The following SPPL2A variants were observed in gnomAD, a reference collection of about 807,000 sequenced individuals.
SPPL2A encodes the protein signal peptide peptidase-like 2A.
SPPL2A carries 51 observed loss-of-function variants against 63.8 expected under a neutral mutation model. The ratio of observed to expected loss-of-function variants is 0.80; its 90% CI spans 0.64 to 1.01. The LOEUF (loss-of-function observed/expected upper bound fraction) is 1.01, where lower values mean the gene tolerates loss of function less well. SPPL2A is among the 50% of genes least tolerant of loss of function. SPPL2A has a pLI of 0.00. For missense variants in SPPL2A, 553 were observed against 622.7 expected, an observed-to-expected ratio of 0.89 and a Z score of 1.19; for synonymous variants, 188 against 205.8, an observed-to-expected ratio of 0.91 and a Z score of 0.74.
chr15:50,739,917 T>C, intron 5 of SPPL2A, 89 bp from the exon 6 acceptor site: 1 of 700,150 alleles, frequency 1.4e-6, no homozygotes, highest in Non-Finnish European at 2.2e-6. Context: ...AATCTGTTTC[T>C]GAAGAAAACA....
chr15:50,728,587 C>G (rs1474623304), intron 10 of SPPL2A, among the ~76,000 whole-genome samples: 2 of 151,498 alleles, frequency 1.3e-5, no homozygotes, highest in Non-Finnish European at 2.9e-5. Context: ...ACCTCGTGAT[C>G]CGCCCACCTT....
intron 10 of SPPL2A, among the ~76,000 whole-genome samples, chr15:50,727,404 A>C (rs1207185050): frequency 4.6e-5 from 7 of 152,206 alleles, no homozygotes; most frequent in Non-Finnish European, 1.0e-4. Context: ...AAGTCAAAGG[A>C]GTTTAGGAAA....
intron 10 of SPPL2A, among the ~76,000 whole-genome samples, chr15:50,729,911 G>A (rs1396606375): frequency 3.3e-5 from 5 of 151,788 alleles, no homozygotes; most frequent in Non-Finnish European, 7.4e-5. Flanking sequence ...CAACGTGGGA[G>A]GACTCCTGGG....
intron 1 of SPPL2A, among the ~76,000 whole-genome samples, chr15:50,759,755 A>AG (rs1388414665): frequency 6.6e-6 from 1 of 151,930 alleles, no homozygotes; most frequent in Non-Finnish European, 1.5e-5. Flanking sequence ...AAAAAAAAAA[A>AG]GAAAGAAAAG....
chr15:50,752,313 G>C (rs1367346090), intron 1 of SPPL2A, among the ~76,000 whole-genome samples: 1 of 151,850 alleles, frequency 6.6e-6, no homozygotes, highest in African/African-American at 2.4e-5. Flanking sequence ...CTTTATGCAA[G>C]ACTCATGCCT....
At chr15:50,724,786 G>A (rs1050513389) in intron 12 of SPPL2A, among the ~76,000 whole-genome samples, 8 of 152,078 alleles carry the variant, frequency 5.3e-5, no homozygotes, top group East Asian at 1.9e-4. Flanking sequence ...TTTGTATTAC[G>A]CAGTCCTACA....
rs191709089 is a variant in SPPL2A, at chr15:50,736,466, G to A, written c.830+178C>T. ...GTGGCTATTGAGCACTTGAAATGTG[G>A]CTAATAAGAATGAAAAACTCAATTT... is the stretch of plus-strand genomic sequence containing the variant. On this transcript the variant is annotated intron_variant, in intron 7 of 14. Transcript: ENST00000261854. Among the ~76,000 whole-genome samples, 3 of 152,196 alleles carry A rather than the reference G, an allele frequency of 2.0e-5. No homozygotes were observed. In the East Asian group the frequency reaches 5.8e-4, roughly 29 times the overall value.
chr15:50,734,446 G>A (rs916703263), intron 8 of SPPL2A, among the ~76,000 whole-genome samples: 9 of 152,086 alleles, frequency 5.9e-5, no homozygotes, highest in African/African-American at 2.2e-4. Flanking sequence ...CACTCATCGT[G>A]GGAGCTAAAA....
At chr15:50,746,210 C>A (rs753764194) in intron 5 of SPPL2A, among the ~76,000 whole-genome samples, 1 of 151,600 alleles carries the variant, frequency 6.6e-6, no homozygotes, top group South Asian at 2.1e-4. Context: ...GAGGCCAAGG[C>A]GGGCAGATCA....
Position 50,765,655 on chromosome 15 carries a change from C to T in SPPL2A, c.-122G>A. Reference sequence around the variant, plus strand: ...ACCGGACCGGACAGGCGCGGGCGGCCGGGCTACGACTGGACCGCCGCTGCT... The same window carrying T: ...ACCGGACCGGACAGGCGCGGGCGGCTGGGCTACGACTGGACCGCCGCTGCT... On this transcript the variant is annotated 5_prime_UTR_variant, in exon 1 of 15. Transcript: ENST00000261854. 3 of 569,580 alleles carry T rather than the reference C, an allele frequency of 5.3e-6. No homozygotes were observed. Among genetic ancestry groups the T allele is most frequent in the Non-Finnish European group, 8.0e-6 (3 of 374,736 alleles). 35.3% of individuals were successfully genotyped at this position (569,580 alleles called of 1,614,324 possible). A position where few individuals can be genotyped will look rare whatever the true frequency, so the allele number is the denominator to read the frequency against.
intron 14 of SPPL2A, among the ~76,000 whole-genome samples, chr15:50,711,177 T>C (rs192912589): frequency 1.3e-5 from 2 of 152,120 alleles, no homozygotes; most frequent in Admixed American, 1.3e-4. Flanking sequence ...TAGAAAATAA[T>C]TTACAATTAG....
chr15:50,738,191 CA>C (rs36083697), intron 6 of SPPL2A, among the ~76,000 whole-genome samples: 3 of 144,540 alleles, frequency 2.1e-5, no homozygotes, highest in Admixed American at 6.9e-5. Context: ...AAGACTGTCT[CA>C]AAAAAAAAGA....
chr15:50,749,921 A>C, intron 1 of SPPL2A, 175 bp from the exon 2 acceptor site: 1 of 598,746 alleles, frequency 1.7e-6, no homozygotes. Context: ...GAATATTAAA[A>C]CTATACACAA....
intron 1 of SPPL2A, among the ~76,000 whole-genome samples, chr15:50,753,791 T>C (rs1187175897): frequency 6.6e-6 from 1 of 152,038 alleles, no homozygotes; most frequent in African/African-American, 2.4e-5. Flanking sequence ...TGGAGTTTCT[T>C]TCTCTCTTTT....
intron 8 of SPPL2A, among the ~76,000 whole-genome samples, chr15:50,732,973 T>A (rs2062742455): frequency 6.6e-6 from 1 of 152,084 alleles, no homozygotes; most frequent in South Asian, 2.1e-4. Flanking sequence ...GACTATTCAA[T>A]TATTAAACAG....
chr15:50,756,356 CAAA>C (rs34922256), intron 1 of SPPL2A, among the ~76,000 whole-genome samples: 3 of 63,396 alleles, frequency 4.7e-5, no homozygotes, highest in East Asian at 4.5e-4. Context: ...GACTCCGTCT[CAAA>C]AAAAAAAAAA....
chr15:50,737,538 C>T (rs1282539089), intron 6 of SPPL2A, among the ~76,000 whole-genome samples: 57 of 152,206 alleles, frequency 3.7e-4, no homozygotes, highest in Non-Finnish European at 1.8e-4. Flanking sequence ...CCGCAACCTC[C>T]GCCTCCCAGG....
At chr15:50,716,023 A>G (rs1240630801) in intron 14 of SPPL2A, among the ~76,000 whole-genome samples, 2 of 152,174 alleles carry the variant, frequency 1.3e-5, no homozygotes, top group Non-Finnish European at 2.9e-5. Context: ...AAAAAGAAAG[A>G]GAACTATTTA....
intron 1 of SPPL2A, among the ~76,000 whole-genome samples, chr15:50,762,802 G>T (rs1049632718): frequency 1.4e-5 from 2 of 147,034 alleles, no homozygotes; most frequent in Non-Finnish European, 3.0e-5. Flanking sequence ...GCACGATCTT[G>T]GCTTACTGCA....
Sources: gnomAD v4.1 joint callset for allele counts (sites outside exome capture counted in the v4.1 genomes callset) on GRCh38, gnomAD v4.1.1 for gene constraint, MANE v1.5 for transcripts, NCBI Gene and HGNC (gene_info 2026-07-23, HGNC 2026-07-21) for gene names.